COL25A1: variants seen among roughly 807,000 people sequenced by gnomAD.
COL25A1 encodes the protein collagen alpha-1(XXV) chain.
In COL25A1, 103 loss-of-function variants were observed where a neutral mutation model predicts 128.4. The observed-to-expected ratio is 0.80, with a 90% CI of 0.68 to 0.94. The LOEUF is 0.94. Among genes scored for constraint, COL25A1 ranks in the 40% least tolerant of loss-of-function variants. COL25A1 has a pLI of 0.00. For missense variants in COL25A1, 745 were observed against 840.0 expected, an observed-to-expected ratio of 0.89 and a Z score of 1.40; for synonymous variants, 279 against 277.2, an observed-to-expected ratio of 1.01 and a Z score of -0.06.
At chr4:109,020,799 T>C (rs979386947) in intron 5 of COL25A1, among the ~76,000 whole-genome samples, 2 of 152,246 alleles carry the variant, frequency 1.3e-5, no homozygotes, top group Non-Finnish European at 2.9e-5. Context: ...AAAGACTCAT[T>C]CATTAATTTG....
rs775715810 is a variant in COL25A1, at chr4:108,974,409, G to A, written c.466-16C>T. ...CTTGTTCTCCCTGTAGAATAGAAAGGTGAGATAACAGTTTTAGCCAAAATT... is the reference window on the plus strand; with the variant it reads ...CTTGTTCTCCCTGTAGAATAGAAAGATGAGATAACAGTTTTAGCCAAAATT... On this transcript the variant is annotated splice_polypyrimidine_tract_variant and intron_variant, in intron 7 of 37. Coordinates refer to ENST00000399132, the MANE Select transcript of COL25A1 (RefSeq NM_198721.4). The A allele has an allele frequency of 1.4e-5, 23 of 1,613,586 alleles. No homozygotes were observed. The highest frequency in any genetic ancestry group is 6.6e-5 in the South Asian group (6 of 91,072).
Position 109,212,107 on chromosome 4 carries a change from C to T in COL25A1, c.367+88476G>A, listed in dbSNP as rs867723936. ...GAATTGGAAGACCAATTACACAGAA[C>T]ACAGAGGAATGATGATCTGGTTATC... is the stretch of plus-strand genomic sequence containing the variant. On this transcript the variant is annotated intron_variant, in intron 3 of 37. Transcript: ENST00000399132. Among the ~76,000 whole-genome samples, 54 of 152,178 alleles carry T rather than the reference C, an allele frequency of 3.5e-4. 1 individual carries two copies. The highest frequency in any genetic ancestry group is 1.3e-3 in the African/African-American group (52 of 41,532).
At chr4:108,915,067 T>A (rs1186637694) in intron 13 of COL25A1, among the ~76,000 whole-genome samples, 1 of 152,198 alleles carries the variant, frequency 6.6e-6, no homozygotes, top group Non-Finnish European at 1.5e-5. Flanking sequence ...CACAAAGGGA[T>A]GTTCTGTAGC....
intron 6 of COL25A1, among the ~76,000 whole-genome samples, chr4:108,980,210 G>A (rs925044493): frequency 2.6e-5 from 4 of 152,190 alleles, no homozygotes; most frequent in Non-Finnish European, 5.9e-5. Context: ...GGGTGTTCGG[G>A]ATTCTTAGGA....
intron 3 of COL25A1, among the ~76,000 whole-genome samples, chr4:109,114,085 A>C (rs1767295264): frequency 6.6e-6 from 1 of 152,128 alleles, no homozygotes; most frequent in African/African-American, 2.4e-5. Context: ...TTCTTGAACA[A>C]GATACAAAGA....
At chr4:108,863,927 G>T (rs1737570165) in intron 20 of COL25A1, among the ~76,000 whole-genome samples, 1 of 152,086 alleles carries the variant, frequency 6.6e-6, no homozygotes, top group Non-Finnish European at 1.5e-5. Context: ...CCCTGGACCT[G>T]AGGCCTTCAG....
At chr4:109,285,769 G>T (rs1723822711) in intron 3 of COL25A1, among the ~76,000 whole-genome samples, 1 of 152,210 alleles carries the variant, frequency 6.6e-6, no homozygotes, top group South Asian at 2.1e-4. Flanking sequence ...TAACATTACT[G>T]TGTTAACTTG....
intron 18 of COL25A1, among the ~76,000 whole-genome samples, chr4:108,885,825 A>T (rs1740704379): frequency 6.6e-6 from 1 of 152,214 alleles, no homozygotes; most frequent in African/African-American, 2.4e-5. Context: ...TTTTGCAGAC[A>T]TTCTATCTGA....
At chr4:109,019,375 C>CACACATATATATATATATAT (rs1338511772) in intron 5 of COL25A1, among the ~76,000 whole-genome samples, 6 of 48,882 alleles carry the variant, frequency 1.2e-4, no homozygotes, top group Non-Finnish European at 1.7e-4. Context: ...CACACACACA[C>CACACATATATATATATATAT]ATATATATAT....
chr4:109,045,996 A>G (rs1003817003), intron 5 of COL25A1, among the ~76,000 whole-genome samples: 4 of 152,214 alleles, frequency 2.6e-5, no homozygotes, highest in Non-Finnish European at 5.9e-5. Context: ...CCATGTAACA[A>G]TGATCCATGT....
intron 3 of COL25A1, among the ~76,000 whole-genome samples, chr4:109,296,480 G>C (rs905909911): frequency 6.6e-6 from 1 of 151,968 alleles, no homozygotes; most frequent in South Asian, 2.1e-4. Context: ...AGCTTCTTGA[G>C]GGAAGATACC....
At chr4:108,935,016 C>T (rs1206255474) in intron 11 of COL25A1, among the ~76,000 whole-genome samples, 1 of 152,184 alleles carries the variant, frequency 6.6e-6, no homozygotes, top group African/African-American at 2.4e-5. Flanking sequence ...CCCTCCTTCA[C>T]AGATGAGAAA....
intron 3 of COL25A1, among the ~76,000 whole-genome samples, chr4:109,083,520 T>C (rs1490460531): frequency 7.8e-6 from 1 of 128,340 alleles, no homozygotes; most frequent in Non-Finnish European, 1.6e-5. Flanking sequence ...TGGAGTGCAG[T>C]GGCGCGATCT....
chr4:108,934,821 T>C (rs1161157945), intron 11 of COL25A1, among the ~76,000 whole-genome samples: 1 of 152,204 alleles, frequency 6.6e-6, no homozygotes, highest in East Asian at 1.9e-4. Context: ...TATACAAAAC[T>C]TTACAGGAAT....
chr4:109,165,721 G>T (rs1335831280), intron 3 of COL25A1, among the ~76,000 whole-genome samples: 1 of 152,058 alleles, frequency 6.6e-6, no homozygotes, highest in South Asian at 2.1e-4. Flanking sequence ...TCTCAAAAAA[G>T]ATAATAATAA....
chr4:109,124,333 A>G (rs1768387058), intron 3 of COL25A1, among the ~76,000 whole-genome samples: 1 of 152,182 alleles, frequency 6.6e-6, no homozygotes, highest in African/African-American at 2.4e-5. Flanking sequence ...CTATGCAATT[A>G]TGTGGGCAAA....
chr4:108,865,449 G>GA (rs894259328), intron 20 of COL25A1, among the ~76,000 whole-genome samples: 2 of 152,148 alleles, frequency 1.3e-5, no homozygotes, highest in African/African-American at 4.8e-5. Flanking sequence ...AAGAGGTTGT[G>GA]AAAATGGAGA....
intron 3 of COL25A1, among the ~76,000 whole-genome samples, chr4:109,136,895 G>A (rs558022501): frequency 6.6e-6 from 1 of 152,310 alleles, no homozygotes; most frequent in Admixed American, 6.5e-5. Context: ...TCACTCTGGG[G>A]GAAGCCAACT....
At chr4:108,841,411 C>T (rs1734446291) in intron 31 of COL25A1, among the ~76,000 whole-genome samples, 1 of 151,962 alleles carries the variant, frequency 6.6e-6, no homozygotes, top group Non-Finnish European at 1.5e-5. Flanking sequence ...ATCAGATTCA[C>T]TTCTAAATGG....
Sources: allele counts gnomAD v4.1 joint callset (sites outside exome capture counted in the v4.1 genomes callset), GRCh38; gene constraint gnomAD v4.1.1; transcripts MANE v1.5; gene names NCBI Gene and HGNC (gene_info 2026-07-23, HGNC 2026-07-21).